FDCSP: variants seen among roughly 807,000 people sequenced by gnomAD.
The protein encoded by FDCSP is follicular dendritic cell secreted peptide.
FDCSP carries 8 observed loss-of-function variants against 8.9 expected under a neutral mutation model. The observed-to-expected ratio is 0.90, with a 90% CI of 0.53 to 1.63. The LOEUF (loss-of-function observed/expected upper bound fraction) is 1.63, where lower values mean the gene tolerates loss of function less well. Among genes scored for constraint, FDCSP ranks in the 40% most tolerant of loss-of-function variants. The pLI is 0.00. For synonymous variants in FDCSP, 34 were observed against 34.5 expected, an observed-to-expected ratio of 0.98 and a Z score of 0.06; for missense variants, 101 against 103.6, an observed-to-expected ratio of 0.98 and a Z score of 0.11.
chr4:70,228,413 A>T (rs1412282246), intron 1 of FDCSP, among the ~76,000 whole-genome samples: 1 of 151,718 alleles, frequency 6.6e-6, no homozygotes, highest in Non-Finnish European at 1.5e-5. Flanking sequence ...TACTTCCTCC[A>T]CTGAAGTCTT....
rs1422821048 is a variant in FDCSP, at chr4:70,235,002, G to A, written c.*29-83G>A. On this transcript the variant is annotated intron_variant, in intron 4 of 4. Transcript: ENST00000317987. The stretch of plus-strand genomic sequence containing the variant: ...TAGATATATTTTTAAGCCAATAGTT[G>A]TCATTAAAATGCAGAAAATGTATAT... 9 of 151,658 alleles carry A rather than the reference G, an allele frequency of 5.9e-5. No individual in the cohort carries two copies. The East Asian group carries it at 1.4e-3, about 23-fold the overall frequency. 9.4% of individuals were successfully genotyped at this position (151,658 alleles called of 1,614,324 possible). A position where few individuals can be genotyped will look rare whatever the true frequency, so the allele number is the denominator to read the frequency against.
chr4:70,231,300 G>A, intron 2 of FDCSP, 49 bp downstream of exon 2: 2 of 1,420,568 alleles, frequency 1.4e-6, no homozygotes, highest in Non-Finnish European at 1.9e-6. Flanking sequence ...GGCCATGTAT[G>A]GCATATTTAT....
rs1730007569 is a variant in FDCSP, at chr4:70,227,521, AATG to A, written c.-1+1342_-1+1344del. Among the ~76,000 whole-genome samples, 3 of 150,886 alleles carry A rather than the reference AATG, an allele frequency of 2.0e-5. No homozygotes were observed. In the South Asian group the frequency reaches 6.4e-4, roughly 32 times the overall value. On this transcript the variant is annotated intron_variant, in intron 1 of 4. Coordinates refer to ENST00000317987, the MANE Select transcript of FDCSP (RefSeq NM_152997.4). ...CTCCACTATCTCAAAGGTACTTCAA[AATG>A]ATAATGATATTAAAAATTGACATTT... is the stretch of plus-strand genomic sequence containing the variant.
At chr4:70,226,406 A>G (rs1294102043) in intron 1 of FDCSP, among the ~76,000 whole-genome samples, 1 of 151,806 alleles carries the variant, frequency 6.6e-6, no homozygotes, top group Non-Finnish European at 1.5e-5. Context: ...GCTGTAGTAA[A>G]TATTTATTTT....
chr4:70,229,602 TA>T (rs2109684218), intron 1 of FDCSP, among the ~76,000 whole-genome samples: 1 of 151,824 alleles, frequency 6.6e-6, no homozygotes, highest in South Asian at 2.1e-4. Flanking sequence ...GAAGGCATTG[TA>T]GGGTTATTAA....
intron 1 of FDCSP, among the ~76,000 whole-genome samples, chr4:70,226,616 A>G (rs930796587): frequency 6.6e-6 from 1 of 151,938 alleles, no homozygotes; most frequent in Non-Finnish European, 1.5e-5. Flanking sequence ...TCTTTAAAAT[A>G]TATACAGTAC....
chr4:70,232,148 T>C (rs1730094411), intron 2 of FDCSP, among the ~76,000 whole-genome samples: 2 of 151,654 alleles, frequency 1.3e-5, no homozygotes, highest in South Asian at 4.1e-4. Context: ...GTAGTGTAAG[T>C]GTACAGTGTT....
rs370077928 is a variant in FDCSP at position 70,235,227 on chromosome 4, G to T, written c.*171G>T. ...CTTCTTTAATAAACTTGAAAGCAAA[G>T]ATTTTGGTTTCTTAATTTCCACAAA... On this transcript the variant is annotated 3_prime_UTR_variant, in exon 5 of 5. Coordinates refer to ENST00000317987, the MANE Select transcript of FDCSP (RefSeq NM_152997.4). 1 of 151,694 alleles carries T rather than the reference G, an allele frequency of 6.6e-6. No homozygotes were observed. Among genetic ancestry groups the T allele is most frequent in the East Asian group, 1.9e-4 (1 of 5,142 alleles). The allele number at this position is 151,694 out of a possible 1,614,324, so 9.4% of individuals were successfully genotyped here.
chr4:70,233,514 A>C (rs537246081), intron 3 of FDCSP, among the ~76,000 whole-genome samples: 3 of 151,718 alleles, frequency 2.0e-5, no homozygotes, highest in African/African-American at 7.3e-5. Flanking sequence ...CCTTGTTTAA[A>C]GGTTTGTTTT....
Position 70,232,979 on chromosome 4 carries a change from C to T in FDCSP, c.58-15C>T, listed in dbSNP as rs770605128. On this transcript the variant is annotated splice_polypyrimidine_tract_variant and intron_variant, in intron 2 of 4. Coordinates refer to ENST00000317987, the MANE Select transcript of FDCSP (RefSeq NM_152997.4). ...ATGAGCATGAGTTTAATTAATTTCA[C>T]TATTTGATCTTTAGGTCTCTCAAGA... is the stretch of plus-strand genomic sequence containing the variant. 2.3e-5 allele frequency: 36 copies of T among 1,585,372 alleles called. No individual in the cohort carries two copies. The South Asian group carries it at 4.1e-4, about 18-fold the overall frequency.
chr4:70,227,973 T>C (rs1029911959), intron 1 of FDCSP, among the ~76,000 whole-genome samples: 2 of 151,772 alleles, frequency 1.3e-5, no homozygotes, highest in African/African-American at 4.8e-5. Flanking sequence ...ATCAGGGTGA[T>C]GGTTCCTGAA....
Position 70,233,037 on chromosome 4 carries a change from T to G in FDCSP, c.90+11T>G. ...CGAGAAAAAAGAAGTGTAAGTTACC[T>G]TTTCTCTTTTTTACATGTAAGTTTT... is the stretch of plus-strand genomic sequence containing the variant. On this transcript the variant is annotated intron_variant, in intron 3 of 4. Coordinates refer to ENST00000317987, the MANE Select transcript of FDCSP (RefSeq NM_152997.4). The G allele has an allele frequency of 6.3e-7, 1 of 1,589,286 alleles. No individual in the cohort carries two copies. The highest frequency in any genetic ancestry group is 8.6e-7 in the Non-Finnish European group (1 of 1,167,892).
At chr4:70,231,592 C>T (rs1302606713) in intron 2 of FDCSP, among the ~76,000 whole-genome samples, 1 of 151,666 alleles carries the variant, frequency 6.6e-6, no homozygotes, top group African/African-American at 2.4e-5. Flanking sequence ...GTAAACAAAC[C>T]TACCCTCTGC....
intron 2 of FDCSP, 51 bp from the exon 3 acceptor site, chr4:70,232,943 T>A: frequency 1.4e-6 from 2 of 1,440,886 alleles, no homozygotes; most frequent in South Asian, 1.2e-5. Context: ...TATATTTATT[T>A]GTGTGTTTTC....
At chr4:70,229,008 T>C (rs959364791) in intron 1 of FDCSP, among the ~76,000 whole-genome samples, 1 of 151,800 alleles carries the variant, frequency 6.6e-6, no homozygotes, top group Non-Finnish European at 1.5e-5. Flanking sequence ...GCCTGTCCTT[T>C]GAAGCTTTGA....
intron 1 of FDCSP, among the ~76,000 whole-genome samples, chr4:70,227,859 C>T (rs898805291): frequency 1.3e-5 from 2 of 151,790 alleles, no homozygotes; most frequent in Admixed American, 1.3e-4. Context: ...TTAATTAAAA[C>T]ATACTTTATT....
At chr4:70,231,116 A>G in intron 1 of FDCSP, 79 bp from the exon 2 acceptor site, 2 of 1,125,884 alleles carry the variant, frequency 1.8e-6, no homozygotes, top group South Asian at 1.6e-5. Flanking sequence ...TTTTAAATTC[A>G]TGGTCTTTTA....
chr4:70,231,045 G>A (rs1434157773), intron 1 of FDCSP, 150 bp from the exon 2 acceptor site: 5 of 569,308 alleles, frequency 8.8e-6, no homozygotes, highest in East Asian at 3.2e-5. Context: ...CCCTAAGATT[G>A]TAAGTGACTT....
intron 1 of FDCSP, among the ~76,000 whole-genome samples, chr4:70,230,252 A>G (rs2109684689): frequency 6.6e-6 from 1 of 151,850 alleles, no homozygotes; most frequent in South Asian, 2.1e-4. Context: ...ACACCATGAC[A>G]AAGAAGAGGA....
Sources: gnomAD v4.1 joint callset for allele counts (sites outside exome capture counted in the v4.1 genomes callset) on GRCh38, gnomAD v4.1.1 for gene constraint, MANE v1.5 for transcripts, NCBI Gene and HGNC (gene_info 2026-07-23, HGNC 2026-07-21) for gene names.